Variants in YTHDC2 observed in about 807,000 individuals in gnomAD.
YTHDC2 encodes the protein 3'-5' RNA helicase YTHDC2.
Under a neutral mutation model 174.9 loss-of-function variants are expected in YTHDC2, and 45 were observed. The observed-to-expected ratio is 0.26, with a 90% confidence interval of 0.20 to 0.33. The LOEUF (loss-of-function observed/expected upper bound fraction) is 0.33, where lower values mean the gene tolerates loss of function less well. Among genes scored for constraint, YTHDC2 ranks in the 10% least tolerant of loss-of-function variants. The pLI, the probability that YTHDC2 is intolerant of heterozygous loss-of-function variation, is 1.00. For missense variants in YTHDC2, 1,650 were observed against 1,723.7 expected, an observed-to-expected ratio of 0.96 and a Z score of 0.76; for synonymous variants, 657 against 574.5, an observed-to-expected ratio of 1.14 and a Z score of -2.05.
At chr5:113,561,965 T>G (rs550383042) in intron 18 of YTHDC2, among the ~76,000 whole-genome samples, 8 of 95,138 alleles carry the variant, frequency 8.4e-5, no homozygotes, top group South Asian at 6.1e-4. Context: ...TGGGTGTGTG[T>G]GTGTGTGTGT....
At chr5:113,578,933 T>C (rs958450872) in intron 23 of YTHDC2, among the ~76,000 whole-genome samples, 2 of 152,156 alleles carry the variant, frequency 1.3e-5, no homozygotes, top group African/African-American at 4.8e-5. Flanking sequence ...CTGTATGTTT[T>C]AGCCTATATC....
At chr5:113,520,683 G>A (rs986629439) in intron 2 of YTHDC2, among the ~76,000 whole-genome samples, 1 of 152,106 alleles carries the variant, frequency 6.6e-6, no homozygotes, top group Non-Finnish European at 1.5e-5. Context: ...GAGCAACAAG[G>A]ACCAATGGTT....
At chr5:113,540,315 A>G (rs1416962683) in intron 8 of YTHDC2, among the ~76,000 whole-genome samples, 1 of 152,226 alleles carries the variant, frequency 6.6e-6, no homozygotes, top group Non-Finnish European at 1.5e-5. Flanking sequence ...TAGTTATAAC[A>G]TGGATAAAAA....
chr5:113,526,567 C>G lies in YTHDC2; in HGVS notation c.476-19C>G, dbSNP rs1316204013. On this transcript the variant is annotated intron_variant, in intron 3 of 29. Coordinates refer to ENST00000161863, the MANE Select transcript of YTHDC2 (RefSeq NM_022828.5). ...CCGTGTTGATCATACATTTTTTGTT[C>G]TTTTATTCATTTTCAAAGAAAACCG... The G allele has an allele frequency of 6.5e-7, 1 of 1,536,270 alleles. No homozygotes were observed. Among genetic ancestry groups the G allele is most frequent in the African/African-American group, 1.4e-5 (1 of 71,308 alleles).
Position 113,592,191 on chromosome 5 carries a change from A to ATTT in YTHDC2, c.4212+22_4212+24dup, listed in dbSNP as rs113314175. ...CAGGGATGGGCAGGTATACAATGGCATTTTTTTTTTTATTTACTTTTGTTT... is the reference window on the plus strand; with the variant it reads ...CAGGGATGGGCAGGTATACAATGGCATTTTTTTTTTTTTTATTTACTTTTGTTT... On this transcript the variant is annotated intron_variant, in intron 28 of 29. Transcript: ENST00000161863. The ATTT allele has an allele frequency of 0.035, 48,440 of 1,367,460 alleles. 188 individuals carry two copies. The highest frequency in any genetic ancestry group is 0.039 in the Non-Finnish European group (39,158 of 1,016,432). 84.7% of individuals were successfully genotyped at this position (1,367,460 alleles called of 1,614,324 possible).
At chr5:113,528,678 T>C (rs1774451743) in intron 4 of YTHDC2, among the ~76,000 whole-genome samples, 2 of 152,154 alleles carry the variant, frequency 1.3e-5, no homozygotes, top group Admixed American at 1.3e-4. Flanking sequence ...CCAGCAAATT[T>C]TTAAATTTTT....
In YTHDC2 at chr5:113,592,960, A is replaced by C. The variant is rs542958665; in HGVS notation, c.4213-343A>C. 107 of 167,160 alleles carry C rather than the reference A, an allele frequency of 6.4e-4. 1 individual carries two copies. In the Middle Eastern group the frequency reaches 0.016, roughly 26 times the overall value. The allele number at this position is 167,160 out of a possible 1,614,324, so 10.4% of individuals were successfully genotyped here. On this transcript the variant is annotated intron_variant, in intron 28 of 29. Transcript: ENST00000161863. The stretch of plus-strand genomic sequence containing the variant: ...TCGAATATGCTAGGTTTCACAGTAA[A>C]CCTTTGGAAGTTCCAGCTGAGTGCT...
At chr5:113,519,381 G>A (rs1484060721) in intron 2 of YTHDC2, among the ~76,000 whole-genome samples, 1 of 152,058 alleles carries the variant, frequency 6.6e-6, no homozygotes, top group African/African-American at 2.4e-5. Flanking sequence ...GTGTGTTTTA[G>A]TCCTAAAGGC....
chr5:113,545,445 G>A (rs1260840041), intron 10 of YTHDC2, among the ~76,000 whole-genome samples: 1 of 151,940 alleles, frequency 6.6e-6, no homozygotes, highest in Non-Finnish European at 1.5e-5. Flanking sequence ...GTGCAGTGGT[G>A]CTATTGTGGC....
intron 23 of YTHDC2, among the ~76,000 whole-genome samples, chr5:113,575,901 A>G (rs1018239346): frequency 1.3e-5 from 2 of 152,104 alleles, no homozygotes; most frequent in Non-Finnish European, 1.5e-5. Context: ...AGAAGTAGAT[A>G]TAAAATTATT....
chr5:113,564,180 T>C, intron 20 of YTHDC2, 49 bp downstream of exon 20: 1 of 1,487,558 alleles, frequency 6.7e-7, no homozygotes, highest in South Asian at 1.4e-5. Flanking sequence ...GGTAAACACG[T>C]TTCTGGGGCA....
intron 8 of YTHDC2, 134 bp downstream of exon 8, chr5:113,539,315 A>G (rs1775292537): frequency 5.2e-6 from 2 of 381,760 alleles, no homozygotes; most frequent in Non-Finnish European, 9.5e-6. Context: ...ATAACCTTAT[A>G]TTGGAATATT....
In YTHDC2 at chr5:113,542,519, T is replaced by C; in HGVS notation, c.1495+16T>C. On this transcript the variant is annotated intron_variant, in intron 10 of 29. Transcript: ENST00000161863. ...AATGTTAGTGGTAAGTTTATTTTAA[T>C]TTTAAAAAATTACCCTTACAGTTAT... 2 of 1,584,268 alleles carry C rather than the reference T, an allele frequency of 1.3e-6. No homozygotes were observed. Among genetic ancestry groups the C allele is most frequent in the Non-Finnish European group, 1.7e-6 (2 of 1,167,354 alleles).
intron 17 of YTHDC2, among the ~76,000 whole-genome samples, chr5:113,558,870 C>T (rs953095462): frequency 6.8e-6 from 1 of 148,078 alleles, no homozygotes; most frequent in Non-Finnish European, 1.5e-5. Flanking sequence ...TGCATTGAGC[C>T]GAGACCACGC....
In YTHDC2 at chr5:113,531,970, A is replaced by T. The variant is rs1774701895; in HGVS notation, c.676-909A>T. 3.9e-5 allele frequency among the ~76,000 whole-genome samples: 6 copies of T among 152,176 alleles called. No individual in the cohort carries two copies. In the South Asian group the frequency reaches 1.2e-3, roughly 31 times the overall value. On this transcript the variant is annotated intron_variant, in intron 4 of 29. Coordinates refer to ENST00000161863, the MANE Select transcript of YTHDC2 (RefSeq NM_022828.5). ...TCCATGACTCAGCATTTTCACTACTAGTGATTTCACTGCTACTACATATAT... is the reference window on the plus strand; with the variant it reads ...TCCATGACTCAGCATTTTCACTACTTGTGATTTCACTGCTACTACATATAT...
chr5:113,531,652 CTCA>C (rs1774678058), intron 4 of YTHDC2, among the ~76,000 whole-genome samples: 1 of 151,836 alleles, frequency 6.6e-6, no homozygotes, highest in Non-Finnish European at 1.5e-5. Context: ...TACAATTTCT[CTCA>C]TCATCCTGAC....
intron 21 of YTHDC2, 111 bp from the exon 22 acceptor site, chr5:113,566,981 G>A (rs1022575091): frequency 2.7e-5 from 32 of 1,202,590 alleles, no homozygotes; most frequent in African/African-American, 2.2e-4. Context: ...ATTAATTATC[G>A]TGAAATTTGA....
At position 113,588,190 on chromosome 5, in the gene YTHDC2, G is replaced by A. The variant is rs1172287108; in HGVS notation, c.3826-2851G>A. Among the ~76,000 whole-genome samples, 6 of 152,032 alleles carry A rather than the reference G, an allele frequency of 3.9e-5. No homozygotes were observed. The East Asian group carries it at 7.7e-4, about 20-fold the overall frequency. On this transcript the variant is annotated intron_variant, in intron 26 of 29. Coordinates refer to ENST00000161863, the MANE Select transcript of YTHDC2 (RefSeq NM_022828.5). The stretch of plus-strand genomic sequence containing the variant: ...TCTTTTCCTTTTCAATCTGATTGCT[G>A]TTTATTTCTTTTTTACCTTATCTCT...
intron 7 of YTHDC2, 115 bp downstream of exon 7, chr5:113,535,913 C>G (rs1775030669): frequency 2.5e-6 from 2 of 810,062 alleles, no homozygotes; most frequent in African/African-American, 1.8e-5. Context: ...TATTACCGTT[C>G]CACCTGAGAT....
Sources: allele counts gnomAD v4.1 joint callset (sites outside exome capture counted in the v4.1 genomes callset), GRCh38; gene constraint gnomAD v4.1.1; transcripts MANE v1.5; gene names NCBI Gene and HGNC (gene_info 2026-07-23, HGNC 2026-07-21).